The following SEH1L variants were observed in gnomAD, a reference collection of about 807,000 sequenced individuals.
The protein encoded by SEH1L is SEH1 like nucleoporin.
Under a neutral mutation model 49.5 loss-of-function variants are expected in SEH1L, and 18 were observed. The observed-to-expected ratio is 0.36, with a 90% confidence interval of 0.25 to 0.54. SEH1L has a LOEUF of 0.54. SEH1L is among the 20% of genes least tolerant of loss of function. SEH1L has a pLI of 0.87. For synonymous variants in SEH1L, 169 were observed against 178.1 expected (o/e 0.95, Z 0.41); for missense variants, 404 against 528.8 (o/e 0.76, Z 2.31).
At chr18:12,978,485 G>T in intron 5 of SEH1L, 1 of 309,320 alleles carries the variant, frequency 3.2e-6, no homozygotes, top group South Asian at 9.4e-5. Flanking sequence ...CTTACTGCAC[G>T]TTGGATTTAG....
intron 4 of SEH1L, among the ~76,000 whole-genome samples, chr18:12,967,238 T>TATAA (rs1444347722): frequency 2.6e-5 from 4 of 152,256 alleles, no homozygotes; most frequent in African/African-American, 9.6e-5. Context: ...CTGATCAGTG[T>TATAA]ATAACCTTTT....
chr18:12,982,492 C>A, intron 6 of SEH1L, 26 bp from the exon 7 acceptor site: 1 of 1,588,162 alleles, frequency 6.3e-7, no homozygotes, highest in Non-Finnish European at 8.6e-7. Context: ...GTTTGGAATG[C>A]CTCAGAAAAT....
chr18:12,950,955 G>A (rs2030485617), intron 1 of SEH1L, among the ~76,000 whole-genome samples: 1 of 152,094 alleles, frequency 6.6e-6, no homozygotes, highest in African/African-American at 2.4e-5. Flanking sequence ...TTGAGTAGCT[G>A]GGACTACAGG....
chr18:12,955,747 T>C, intron 3 of SEH1L, 138 bp downstream of exon 3: 4 of 845,322 alleles, frequency 4.7e-6, no homozygotes, highest in Non-Finnish European at 7.2e-6. Flanking sequence ...CTTTCTTCCA[T>C]GTTTTTTTCT....
chr18:12,972,618 C>T (rs2031750483), intron 5 of SEH1L: 1 of 152,180 alleles, frequency 6.6e-6, no homozygotes, highest in Non-Finnish European at 1.5e-5. Flanking sequence ...CTCCCGTGGG[C>T]TCTGCAATTC....
intron 6 of SEH1L, among the ~76,000 whole-genome samples, chr18:12,979,753 C>T (rs1393596959): frequency 7.7e-6 from 1 of 129,568 alleles, no homozygotes; most frequent in Non-Finnish European, 1.6e-5. Context: ...GGGGCTGACC[C>T]CCCCACCTCC....
At chr18:12,957,046 C>T (rs946604791) in intron 3 of SEH1L, among the ~76,000 whole-genome samples, 4 of 142,756 alleles carry the variant, frequency 2.8e-5, no homozygotes, top group South Asian at 2.3e-4. Flanking sequence ...CCAGCCTGGG[C>T]GACGGAGCGA....
In SEH1L at chr18:12,958,064, C is replaced by CTTTTTTTTT. The variant is rs57733399; in HGVS notation, c.309+2484_309+2492dup. Among the ~76,000 whole-genome samples the CTTTTTTTTT allele has an allele frequency of 1.1e-3, 67 of 62,046 alleles. 12 individuals carry two copies. The highest frequency in any genetic ancestry group is 1.5e-3 in the Non-Finnish European group (52 of 35,690). 40.7% of individuals were successfully genotyped at this position (62,046 alleles called of 152,430 possible). ...TATAACATAATATTCCTCATTTTAA[C>CTTTTTTTTT]TTTTTTTTTTTTTTTTTTTTTTTTT... On this transcript the variant is annotated intron_variant, in intron 3 of 8. Coordinates refer to ENST00000399892, the MANE Select transcript of SEH1L (RefSeq NM_001013437.2).
At chr18:12,957,066 C>CA (rs398120193) in intron 3 of SEH1L, among the ~76,000 whole-genome samples, 47,251 of 140,114 alleles carry the variant, frequency 0.34, 8,496 homozygotes, top group East Asian at 0.59. Flanking sequence ...AGACTTGTCT[C>CA]AAAAAAAAAA....
At chr18:12,957,474 G>A (rs968167444) in intron 3 of SEH1L, among the ~76,000 whole-genome samples, 1 of 151,748 alleles carries the variant, frequency 6.6e-6, no homozygotes, top group Non-Finnish European at 1.5e-5. Context: ...TGCTTTTATC[G>A]CTGTCTTTGC....
rs370700080 is a variant in SEH1L at position 12,982,688 on chromosome 18, T to C, written c.919+13T>C. ...AGATTGTGGAAAGGTAAGAGTTCAG[T>C]GAAGGGGTAATTGTTGGTTTATATT... On this transcript the variant is annotated intron_variant, in intron 7 of 8. Transcript: ENST00000399892. 2 of 1,578,578 alleles carry C rather than the reference T, an allele frequency of 1.3e-6. No individual in the cohort carries two copies. The highest frequency in any genetic ancestry group is 1.4e-5 in the African/African-American group (1 of 73,706).
At chr18:12,958,821 ATAAATG>A (rs2145618126) in intron 3 of SEH1L, among the ~76,000 whole-genome samples, 1 of 152,332 alleles carries the variant, frequency 6.6e-6, no homozygotes, top group South Asian at 2.1e-4. Flanking sequence ...TGTTGTACAG[ATAAATG>A]TTTGAGACCG....
At chr18:12,961,165 C>G (rs62095795) in intron 3 of SEH1L, among the ~76,000 whole-genome samples, 1 of 152,124 alleles carries the variant, frequency 6.6e-6, no homozygotes, top group South Asian at 2.1e-4. Context: ...ACTGGAGTTG[C>G]GCAGATGCTC....
At chr18:12,980,385 T>C (rs1598977777) in intron 6 of SEH1L, among the ~76,000 whole-genome samples, 1 of 83,310 alleles carries the variant, frequency 1.2e-5, no homozygotes, top group African/African-American at 4.8e-5. Context: ...CCCCCCCACC[T>C]CCCTCCCGGA....
At position 12,987,054 on chromosome 18, in the gene SEH1L, T is replaced by A. The variant is rs753563802; in HGVS notation, c.1263T>A (p.Ile421=). 3.3e-5 allele frequency: 53 copies of A among 1,590,576 alleles called. No homozygotes were observed. The Middle Eastern group carries it at 5.0e-4, about 15-fold the overall frequency. ...ATCCCTTACCTGAGAATGAAGGGAT[T>A]TAAAACACTGATTTAACATTGAAAG... The part of the protein sequence containing the change: ...PLNPLPENEG[I] Residue 421 remains isoleucine (I), a synonymous_variant, in exon 9 of 9, where the codon ATT becomes ATA. Transcript: ENST00000399892.
At chr18:12,955,303 C>T (rs990661850) in intron 2 of SEH1L, among the ~76,000 whole-genome samples, 160 bp from the exon 3 acceptor site, 1 of 150,692 alleles carries the variant, frequency 6.6e-6, no homozygotes, top group African/African-American at 2.4e-5. Context: ...TTTTTATTTA[C>T]ATGTTATGTT....
At chr18:12,976,857 T>G (rs1199280172) in intron 5 of SEH1L, 1 of 151,680 alleles carries the variant, frequency 6.6e-6, no homozygotes, top group Non-Finnish European at 1.5e-5. Flanking sequence ...GCCCCTGTAG[T>G]CCCAGCTACT....
chr18:12,981,477 G>A (rs1016250308), intron 6 of SEH1L, among the ~76,000 whole-genome samples: 4 of 152,238 alleles, frequency 2.6e-5, no homozygotes, highest in South Asian at 2.1e-4. Flanking sequence ...CGAGGCTGGC[G>A]GATCACTCGC....
intron 2 of SEH1L, among the ~76,000 whole-genome samples, chr18:12,952,705 C>T (rs1364244182): frequency 2.0e-5 from 3 of 152,084 alleles, no homozygotes; most frequent in Admixed American, 1.3e-4. Context: ...AACCACTGAT[C>T]CATTTTCTGT....
Sources: gnomAD v4.1 joint callset for allele counts (sites outside exome capture counted in the v4.1 genomes callset) on GRCh38, gnomAD v4.1.1 for gene constraint, MANE v1.5 for transcripts, NCBI Gene and HGNC (gene_info 2026-07-23, HGNC 2026-07-21) for gene names.